CA10: variants seen among roughly 807,000 people sequenced by gnomAD.
CA10 encodes carbonic anhydrase-related protein 10.
CA10 carries 14 observed loss-of-function variants against 44.2 expected under a neutral mutation model. The ratio of observed to expected loss-of-function variants is 0.32; its 90% CI spans 0.21 to 0.50. CA10 has a LOEUF of 0.50. Ranked by LOEUF, CA10 falls within the 20% of genes least tolerant of loss-of-function variation. The pLI is 0.99. For synonymous variants in CA10, 159 were observed against 141.6 expected (o/e 1.12, Z -0.87); for missense variants, 350 against 409.7 (o/e 0.85, Z 1.26).
chr17:52,088,084 G>A (rs1463564540), intron 1 of CA10, among the ~76,000 whole-genome samples: 2 of 152,176 alleles, frequency 1.3e-5, no homozygotes, highest in Admixed American at 6.5e-5. Context: ...GGAGGATGGA[G>A]GGTGGGGAAA....
At chr17:51,903,549 A>G (rs981487948) in intron 3 of CA10, among the ~76,000 whole-genome samples, 3 of 152,166 alleles carry the variant, frequency 2.0e-5, no homozygotes, top group Non-Finnish European at 2.9e-5. Flanking sequence ...ATAGTAAAAC[A>G]TTAGATCCCA....
intron 2 of CA10, among the ~76,000 whole-genome samples, chr17:52,060,964 C>A (rs925713955): frequency 1.3e-5 from 2 of 152,102 alleles, no homozygotes; most frequent in Non-Finnish European, 2.9e-5. Context: ...AATGAAGTAA[C>A]ATGAGTAAAC....
intron 4 of CA10, among the ~76,000 whole-genome samples, chr17:51,693,920 C>T (rs749034618): frequency 6.6e-6 from 1 of 152,082 alleles, no homozygotes; most frequent in Admixed American, 6.5e-5. Flanking sequence ...GAAATTCACC[C>T]CCGGCTGGAC....
intron 3 of CA10, among the ~76,000 whole-genome samples, chr17:51,928,279 T>A (rs1373218485): frequency 1.3e-5 from 2 of 152,268 alleles, no homozygotes; most frequent in East Asian, 1.9e-4. Context: ...CTGCAACCTG[T>A]CACATGAGGC....
At chr17:51,747,185 C>T (rs746194978) in intron 4 of CA10, among the ~76,000 whole-genome samples, 4 of 152,198 alleles carry the variant, frequency 2.6e-5, no homozygotes, top group African/African-American at 4.8e-5. Context: ...AGTTGCCTGA[C>T]ACTTATTTCA....
chr17:51,927,242 A>C (rs1044110226), intron 3 of CA10, among the ~76,000 whole-genome samples: 1 of 152,306 alleles, frequency 6.6e-6, no homozygotes, highest in African/African-American at 2.4e-5. Context: ...TACTTTTTAT[A>C]CTTAACATAT....
chr17:51,802,025 A>C (rs1906952424), intron 3 of CA10, among the ~76,000 whole-genome samples: 1 of 152,216 alleles, frequency 6.6e-6, no homozygotes, highest in South Asian at 2.1e-4. Context: ...GAGAGACGGC[A>C]AATAGCATTA....
chr17:51,728,523 T>C (rs1916604569), intron 4 of CA10, among the ~76,000 whole-genome samples: 1 of 152,226 alleles, frequency 6.6e-6, no homozygotes, highest in Non-Finnish European at 1.5e-5. Flanking sequence ...ACTTATCAGA[T>C]ATTTTGTAGA....
chr17:51,922,220 G>C (rs2052266027), intron 3 of CA10, among the ~76,000 whole-genome samples: 1 of 152,150 alleles, frequency 6.6e-6, no homozygotes, highest in African/African-American at 2.4e-5. Flanking sequence ...CTGAAGCTTA[G>C]AGAAGTTAAG....
rs77554562 is a variant in CA10 at position 52,022,506 on chromosome 17, G to A, written c.136+49813C>T. On this transcript the variant is annotated intron_variant, in intron 2 of 8. Transcript: ENST00000451037. ...ACCCACAGCCAACACCATAATGAGTGGGTGAAAGCTAGAACAATTCCCCTA... is the reference window on the plus strand; with the variant it reads ...ACCCACAGCCAACACCATAATGAGTAGGTGAAAGCTAGAACAATTCCCCTA... Among the ~76,000 whole-genome samples the A allele has an allele frequency of 5.0e-3, 767 of 152,072 alleles. 40 individuals are homozygous for A. Among genetic ancestry groups the A allele is most frequent in the Admixed American group, 0.038 (585 of 15,224 alleles).
chr17:51,642,569 C>T (rs2040555), intron 6 of CA10, among the ~76,000 whole-genome samples: 7,447 of 152,280 alleles, frequency 0.049, 250 homozygotes, highest in Middle Eastern at 0.082. Flanking sequence ...TGAAAGCTCT[C>T]CTCCAGATGC....
intron 4 of CA10, among the ~76,000 whole-genome samples, chr17:51,672,432 G>T (rs1259115620): frequency 2.6e-5 from 4 of 152,206 alleles, no homozygotes; most frequent in Non-Finnish European, 5.9e-5. Flanking sequence ...CCAAGGCATT[G>T]TACTTGGTGT....
intron 3 of CA10, among the ~76,000 whole-genome samples, chr17:51,894,761 T>A (rs960669459): frequency 1.3e-5 from 2 of 152,136 alleles, no homozygotes; most frequent in African/African-American, 4.8e-5. Flanking sequence ...TTGTGGTACT[T>A]TGTTACAGCA....
chr17:51,944,021 T>C (rs1031121755), intron 2 of CA10, among the ~76,000 whole-genome samples: 1 of 152,052 alleles, frequency 6.6e-6, no homozygotes, highest in Non-Finnish European at 1.5e-5. Context: ...TTGCTCTCAA[T>C]TTTCTCCACC....
chr17:51,775,539 T>C (rs1370427879), intron 3 of CA10, among the ~76,000 whole-genome samples: 3 of 152,190 alleles, frequency 2.0e-5, no homozygotes, highest in Non-Finnish European at 2.9e-5. Context: ...GCTGTTCTTT[T>C]ATTTATTCCA....
At chr17:51,854,891 G>A (rs138713192) in intron 3 of CA10, among the ~76,000 whole-genome samples, 2 of 152,116 alleles carry the variant, frequency 1.3e-5, no homozygotes, top group Admixed American at 6.5e-5. Flanking sequence ...CTTAAACCTC[G>A]CAACTACCTT....
chr17:51,735,276 G>C (rs1316236133), intron 4 of CA10, among the ~76,000 whole-genome samples: 1 of 152,180 alleles, frequency 6.6e-6, no homozygotes, highest in Admixed American at 6.5e-5. Context: ...ATTATCCTAA[G>C]TGAATTAATG....
intron 3 of CA10, among the ~76,000 whole-genome samples, chr17:51,822,364 C>T (rs1218245064): frequency 6.6e-6 from 1 of 152,044 alleles, no homozygotes; most frequent in Admixed American, 6.6e-5. Flanking sequence ...TTGCATGAGC[C>T]AGGATCCACC....
At chr17:52,059,165 CA>C (rs1987308613) in intron 2 of CA10, among the ~76,000 whole-genome samples, 1 of 152,168 alleles carries the variant, frequency 6.6e-6, no homozygotes, top group African/African-American at 2.4e-5. Flanking sequence ...CCTCCACTTA[CA>C]AACACTGATA....
Sources: allele counts gnomAD v4.1 joint callset (sites outside exome capture counted in the v4.1 genomes callset), GRCh38; gene constraint gnomAD v4.1.1; transcripts MANE v1.5; gene names NCBI Gene and HGNC (gene_info 2026-07-23, HGNC 2026-07-21).